The following DMD variants were observed in gnomAD, a reference collection of about 807,000 sequenced individuals.
DMD encodes the protein mutant dystrophin.
In DMD, 63 loss-of-function variants were observed where a neutral mutation model predicts 330.1. That is an observed-to-expected ratio of 0.19 (90% CI 0.16 to 0.24). The LOEUF (loss-of-function observed/expected upper bound fraction) is 0.24, where lower values mean the gene tolerates loss of function less well. DMD is among the 10% of genes least tolerant of loss of function. The pLI is 1.00. For missense variants in DMD, 3,344 were observed against 2,684.1 expected, an observed-to-expected ratio of 1.25 and a Z score of -5.43; for synonymous variants, 1,223 against 959.8, an observed-to-expected ratio of 1.27 and a Z score of -5.07.
intron 1 of DMD, among the ~76,000 whole-genome samples, chrX:33,117,076 A>ATT (rs936639818): frequency 1.8e-5 from 2 of 109,977 alleles, no homozygotes; most frequent in African/African-American, 3.3e-5. Flanking sequence ...ATATATATAT[A>ATT]TATTTTTTAA....
chrX:32,270,761 G>A (rs1416054538), intron 43 of DMD, among the ~76,000 whole-genome samples: 1 of 111,619 alleles, frequency 9.0e-6, no homozygotes, highest in Non-Finnish European at 1.9e-5. Context: ...GCCCCAGAAT[G>A]AGACACATAG....
chrX:31,296,776 G>GGTA (rs901564114), intron 62 of DMD, among the ~76,000 whole-genome samples: 1 of 111,520 alleles, frequency 9.0e-6, no homozygotes, highest in African/African-American at 3.3e-5. Context: ...TCATCTGACT[G>GGTA]GTAGAACTTT....
chrX:32,647,116 G>A (rs755804521), intron 9 of DMD, among the ~76,000 whole-genome samples: 14 of 111,587 alleles, frequency 1.3e-4, no homozygotes, highest in Non-Finnish European at 2.1e-4. Context: ...CTGAGCAGTT[G>A]CACAGGGCCC....
chrX:31,255,776 T>G (rs892880260), intron 63 of DMD, among the ~76,000 whole-genome samples: 2 of 96,023 alleles, frequency 2.1e-5, no homozygotes. Context: ...TTACTTTTTT[T>G]TTTTTTTTTT....
intron 2 of DMD, among the ~76,000 whole-genome samples, chrX:32,893,989 C>T (rs977657286): frequency 2.7e-5 from 3 of 110,628 alleles, no homozygotes; most frequent in Non-Finnish European, 3.8e-5. Flanking sequence ...TGCCTCTGGA[C>T]GTGACACATC....
At chrX:31,269,333 T>A (rs1237638153) in intron 62 of DMD, among the ~76,000 whole-genome samples, 5 of 111,521 alleles carry the variant, frequency 4.5e-5, no homozygotes, top group African/African-American at 1.6e-4. Flanking sequence ...TTTCTTCTTC[T>A]CCTCCTTCTG....
At position 31,209,716 on chromosome X, in the gene DMD, A is replaced by C; in HGVS notation, c.9362-17T>G. The C allele has an allele frequency of 1.7e-6, 2 of 1,197,797 alleles. No individual in the cohort carries two copies. The highest frequency in any genetic ancestry group is 2.3e-6 in the Non-Finnish European group (2 of 884,671). On this transcript the variant is annotated splice_polypyrimidine_tract_variant and intron_variant, in intron 64 of 78. Coordinates refer to ENST00000357033, the MANE Select transcript of DMD (RefSeq NM_004006.3). ...AGAGATCCACTGCAAAAAACAAATA[A>C]AATCACAAATGACTCAAAGAGTAAA...
chrX:31,261,594 C>T (rs987337546), intron 62 of DMD: 26 of 118,681 alleles, frequency 2.2e-4, no homozygotes, highest in African/African-American at 7.1e-4. Context: ...TCCTTCTTCC[C>T]ATTATTTCAG....
intron 41 of DMD, among the ~76,000 whole-genome samples, chrX:32,322,647 G>C (rs757442024): frequency 9.0e-6 from 1 of 111,651 alleles, no homozygotes; most frequent in Admixed American, 9.5e-5. Flanking sequence ...TGAAATTTCT[G>C]TACTTCAATA....
intron 45 of DMD, among the ~76,000 whole-genome samples, chrX:31,937,482 T>G (rs1165691043): frequency 1.8e-5 from 2 of 111,715 alleles, no homozygotes; most frequent in African/African-American, 6.5e-5. Flanking sequence ...ATGAAAACAT[T>G]TGGTAGTCAT....
chrX:32,598,502 T>C (rs2055826784), intron 12 of DMD, among the ~76,000 whole-genome samples: 1 of 111,959 alleles, frequency 8.9e-6, no homozygotes, highest in South Asian at 3.7e-4. Flanking sequence ...TTCTTTTCTG[T>C]CCTTCAATGA....
intron 54 of DMD, among the ~76,000 whole-genome samples, chrX:31,651,389 CAGAG>C (rs1260194593): frequency 9.0e-6 from 1 of 110,967 alleles, no homozygotes; most frequent in African/African-American, 3.3e-5. Context: ...TCAAAATGTG[CAGAG>C]AGAAAGAAGA....
At chrX:32,414,732 T>G (rs2098159786) in intron 29 of DMD, among the ~76,000 whole-genome samples, 1 of 112,029 alleles carries the variant, frequency 8.9e-6, no homozygotes, top group African/African-American at 3.3e-5. Flanking sequence ...AGATGTATCT[T>G]TTGGACAATA....
chrX:32,212,691 G>A (rs2097097521), intron 44 of DMD, among the ~76,000 whole-genome samples: 1 of 111,674 alleles, frequency 9.0e-6, no homozygotes, highest in Non-Finnish European at 1.9e-5. Flanking sequence ...ATTACTGCTT[G>A]TTTAGTGAAT....
At chrX:33,183,815 C>T (rs2050117179) in intron 1 of DMD, among the ~76,000 whole-genome samples, 1 of 109,023 alleles carries the variant, frequency 9.2e-6, no homozygotes, top group African/African-American at 3.3e-5. Context: ...AAAAAAAAAC[C>T]TCAGAACACT....
intron 44 of DMD, among the ~76,000 whole-genome samples, chrX:32,072,910 A>G (rs1285043902): frequency 8.9e-6 from 1 of 111,988 alleles, no homozygotes; most frequent in Admixed American, 9.5e-5. Flanking sequence ...AAGGACAGAC[A>G]TAGCCTGCGA....
intron 53 of DMD, among the ~76,000 whole-genome samples, chrX:31,668,251 A>C (rs191918884): frequency 9.0e-6 from 1 of 111,491 alleles, no homozygotes; most frequent in African/African-American, 3.2e-5. Flanking sequence ...TGCTTGCAGT[A>C]CAAAAGTTTT....
At chrX:32,949,433 C>G (rs1173487694) in intron 2 of DMD, among the ~76,000 whole-genome samples, 1 of 109,265 alleles carries the variant, frequency 9.2e-6, no homozygotes, top group Non-Finnish European at 1.9e-5. Context: ...CATTTGTGAT[C>G]CCCACTGAAA....
intron 2 of DMD, among the ~76,000 whole-genome samples, chrX:33,000,524 T>C (rs1441266725): frequency 8.9e-6 from 1 of 111,902 alleles, no homozygotes; most frequent in Non-Finnish European, 1.9e-5. Flanking sequence ...CAAAAGTCCC[T>C]TCCTGACTTA....
Sources: allele counts gnomAD v4.1 joint callset (sites outside exome capture counted in the v4.1 genomes callset), GRCh38; gene constraint gnomAD v4.1.1; transcripts MANE v1.5; gene names NCBI Gene and HGNC (gene_info 2026-07-23, HGNC 2026-07-21).